UGDH: variants seen among roughly 807,000 people sequenced by gnomAD.
UGDH encodes UDP-glucose 6-dehydrogenase, also known as UDP-Glc dehydrogenase.
In UGDH, 38 loss-of-function variants were observed where a neutral mutation model predicts 50.6. That is an observed-to-expected ratio of 0.75 (90% CI 0.58 to 0.98). The LOEUF (loss-of-function observed/expected upper bound fraction) is 0.98. Ranked by LOEUF, UGDH falls within the 50% of genes least tolerant of loss-of-function variation. The probability of loss-of-function intolerance (pLI) is 0.00; values close to 1 mark genes in which losing one functional copy is unlikely to be tolerated. For missense variants in UGDH, 465 were observed against 606.2 expected, an observed-to-expected ratio of 0.77 and a Z score of 2.45; for synonymous variants, 168 against 199.9, an observed-to-expected ratio of 0.84 and a Z score of 1.35.
chr4:39,524,793 G>C (rs537867797), intron 1 of UGDH, among the ~76,000 whole-genome samples: 7 of 152,258 alleles, frequency 4.6e-5, no homozygotes, highest in Admixed American at 2.6e-4. Flanking sequence ...ACAGGTGTGA[G>C]CCATCGCATC....
At chr4:39,507,198 T>C (rs1300369276) in intron 7 of UGDH, among the ~76,000 whole-genome samples, 1 of 152,158 alleles carries the variant, frequency 6.6e-6, no homozygotes, top group Non-Finnish European at 1.5e-5. Flanking sequence ...GAGGATTAAA[T>C]GAGATACTGT....
chr4:39,509,680 TA>T, intron 6 of UGDH, 79 bp downstream of exon 6: 1 of 1,477,048 alleles, frequency 6.8e-7, no homozygotes. Flanking sequence ...ATGAGATATA[TA>T]AAGCGCTGGT....
intron 2 of UGDH, 86 bp downstream of exon 2, chr4:39,521,265 A>T: frequency 7.6e-7 from 1 of 1,319,782 alleles, no homozygotes; most frequent in Non-Finnish European, 1.0e-6. Flanking sequence ...GCTGTTATAG[A>T]TTTTTATATT....
At chr4:39,500,855 T>C (rs1257099406) in intron 11 of UGDH, among the ~76,000 whole-genome samples, 2 of 152,110 alleles carry the variant, frequency 1.3e-5, no homozygotes, top group East Asian at 1.9e-4. Flanking sequence ...AGGTTTTACA[T>C]GCTGGCCAGG....
intron 3 of UGDH, among the ~76,000 whole-genome samples, 156 bp from the exon 4 acceptor site, chr4:39,511,017 T>C (rs573633667): frequency 1.0e-3 from 154 of 152,304 alleles, no homozygotes; most frequent in African/African-American, 3.6e-3. Context: ...TTTATAAATA[T>C]AATAATCAGA....
intron 11 of UGDH, among the ~76,000 whole-genome samples, chr4:39,502,042 C>T (rs916883209): frequency 6.6e-6 from 1 of 152,012 alleles, no homozygotes; most frequent in African/African-American, 2.4e-5. Flanking sequence ...GATTCCATTC[C>T]TGTTTTTTTT....
chr4:39,500,378 T>C lies in UGDH; in HGVS notation c.1375-125A>G, dbSNP rs530049895. 4.2e-5 allele frequency: 24 copies of C among 566,136 alleles called. No homozygotes were observed. In the South Asian group the frequency reaches 7.3e-4, roughly 17 times the overall value. 35.1% of individuals were successfully genotyped at this position (566,136 alleles called of 1,614,324 possible). On this transcript the variant is annotated intron_variant, in intron 11 of 11. Transcript: ENST00000316423. ...CTTAGAAAAGGATTCTCAAGTTGTC[T>C]GAGTTGCTATGAGAGATCTTTGGTT... is the stretch of plus-strand genomic sequence containing the variant.
chr4:39,499,854 C>A lies in UGDH; in HGVS notation c.*289G>T. On this transcript the variant is annotated 3_prime_UTR_variant, in exon 12 of 12. Coordinates refer to ENST00000316423, the MANE Select transcript of UGDH (RefSeq NM_003359.4). The stretch of plus-strand genomic sequence containing the variant: ...GACCATCCTGGCTCACATGGTGAAA[C>A]CCTGTCTCTACTAAAAATACAAAAA... The A allele has an allele frequency of 4.7e-6, 1 of 211,624 alleles. No homozygotes were observed. Among genetic ancestry groups the A allele is most frequent in the South Asian group, 1.0e-4 (1 of 9,788 alleles). The allele number at this position is 211,624 out of a possible 1,614,324, so 13.1% of individuals were successfully genotyped here.
At chr4:39,524,282 T>G (rs1400246180) in intron 1 of UGDH, among the ~76,000 whole-genome samples, 2 of 152,152 alleles carry the variant, frequency 1.3e-5, no homozygotes, top group Non-Finnish European at 2.9e-5. Context: ...CTTAAGGAGT[T>G]CATAGTTTAA....
At chr4:39,502,600 C>T (rs1745863091) in intron 11 of UGDH, among the ~76,000 whole-genome samples, 1 of 152,136 alleles carries the variant, frequency 6.6e-6, no homozygotes, top group Non-Finnish European at 1.5e-5. Context: ...CCTCCTATCC[C>T]CATATACATA....
rs148575370 is a variant in UGDH, at chr4:39,509,157, T to C, written c.812-497A>G. ...GCCTGACTAATTTTTTGTCTTTTTT[T>C]TTTGCAGAGCTGGGGCTTCACCATG... On this transcript the variant is annotated intron_variant, in intron 6 of 11. Coordinates refer to ENST00000316423, the MANE Select transcript of UGDH (RefSeq NM_003359.4). Among the ~76,000 whole-genome samples, 284 of 151,350 alleles carry C rather than the reference T, an allele frequency of 1.9e-3. 2 individuals are homozygous for C. Among genetic ancestry groups the C allele is most frequent in the African/African-American group, 6.8e-3 (278 of 41,162 alleles).
Position 39,501,546 on chromosome 4 carries a change from T to C in UGDH, c.1375-1293A>G, listed in dbSNP as rs1308936261. ...CCTCGGCCTCCCAAAGTGCTGGGAT[T>C]ACAGGCGTGAGCCACCGCACCCGGC... On this transcript the variant is annotated intron_variant, in intron 11 of 11. Coordinates refer to ENST00000316423, the MANE Select transcript of UGDH (RefSeq NM_003359.4). Among the ~76,000 whole-genome samples, 7 of 152,168 alleles carry C rather than the reference T, an allele frequency of 4.6e-5. No individual in the cohort carries two copies. In the East Asian group the frequency reaches 1.3e-3, roughly 29 times the overall value.
At chr4:39,504,624 C>A in intron 9 of UGDH, 116 bp from the exon 10 acceptor site, 1 of 909,436 alleles carries the variant, frequency 1.1e-6, no homozygotes, top group South Asian at 1.5e-5. Flanking sequence ...ATGTCTGAAA[C>A]TGTGGAGAGT....
intron 6 of UGDH, 76 bp downstream of exon 6, chr4:39,509,684 G>C: frequency 4.0e-6 from 6 of 1,491,488 alleles, no homozygotes; most frequent in Middle Eastern, 1.8e-4. Context: ...GATATATAAA[G>C]CGCTGGTACC....
chr4:39,515,413 ATATATGCTTAAATAAATATAAATTTTTC>A (rs764685395), intron 2 of UGDH, among the ~76,000 whole-genome samples: 8 of 152,152 alleles, frequency 5.3e-5, no homozygotes, highest in African/African-American at 9.7e-5. Flanking sequence ...AATTTACTCC[ATATATGCTTAAATAAATATAAATTTTTC>A]TATATGCTTA....
At position 39,523,289 on chromosome 4, in the gene UGDH, C is replaced by T. The variant is rs377181367; in HGVS notation, c.-7-1770G>A. ...CTGGTCTCGAACTCCTGAGCTCATG[C>T]AATCTGCCTGCCTCAGCCTCACAAA... On this transcript the variant is annotated intron_variant, in intron 1 of 11. Coordinates refer to ENST00000316423, the MANE Select transcript of UGDH (RefSeq NM_003359.4). Among the ~76,000 whole-genome samples, 114 of 151,834 alleles carry T rather than the reference C, an allele frequency of 7.5e-4. 2 individuals are homozygous for T. In the East Asian group the frequency reaches 0.02, roughly 26 times the overall value.
At chr4:39,518,347 G>GT (rs893045150) in intron 2 of UGDH, among the ~76,000 whole-genome samples, 17 of 151,162 alleles carry the variant, frequency 1.1e-4, no homozygotes, top group South Asian at 2.1e-4. Context: ...CAGACTAATA[G>GT]TTTTTTTTTA....
At chr4:39,522,957 TTCACCATGTTGGTCAGGATGG>T (rs1746726131) in intron 1 of UGDH, among the ~76,000 whole-genome samples, 2 of 152,002 alleles carry the variant, frequency 1.3e-5, no homozygotes, top group African/African-American at 4.8e-5. Context: ...GAGATGGGGT[TTCACCATGTTGGTCAGGATGG>T]TCTGGATTTC....
Position 39,505,758 on chromosome 4 carries a change from C to A in UGDH, c.907-10G>T. The A allele has an allele frequency of 6.2e-7, 1 of 1,600,946 alleles. No individual in the cohort carries two copies. The highest frequency in any genetic ancestry group is 8.5e-7 in the Non-Finnish European group (1 of 1,173,532). ...CATTCATGTCTATGACCTGAAATTA[C>A]ATGTACAATTGTGCAATGATTAGTT... On this transcript the variant is annotated splice_polypyrimidine_tract_variant and intron_variant, in intron 7 of 11. Coordinates refer to ENST00000316423, the MANE Select transcript of UGDH (RefSeq NM_003359.4).
Sources: gnomAD v4.1 joint callset for allele counts (sites outside exome capture counted in the v4.1 genomes callset) on GRCh38, gnomAD v4.1.1 for gene constraint, MANE v1.5 for transcripts, NCBI Gene and HGNC (gene_info 2026-07-23, HGNC 2026-07-21) for gene names.